The following SMARCC1 variants were observed in gnomAD, a reference collection of about 807,000 sequenced individuals.
SMARCC1 encodes SWI/SNF complex subunit SMARCC1.
Under a neutral mutation model 147.4 loss-of-function variants are expected in SMARCC1, and 43 were observed. That is an observed-to-expected ratio of 0.29 (90% CI 0.23 to 0.38). SMARCC1 has a LOEUF of 0.38. Ranked by LOEUF, SMARCC1 falls within the 10% of genes least tolerant of loss-of-function variation. SMARCC1 has a pLI of 1.00. For missense variants in SMARCC1, 1,119 were observed against 1,381.1 expected (o/e 0.81, Z 3.01); for synonymous variants, 495 against 484.4 (o/e 1.02, Z -0.29).
In SMARCC1 at chr3:47,608,419, G is replaced by T. The variant is rs562259207; in HGVS notation, c.3043+1647C>A. Among the ~76,000 whole-genome samples the T allele has an allele frequency of 7.9e-5, 12 of 152,226 alleles. 1 individual carries two copies. Among genetic ancestry groups the T allele is most frequent in the African/African-American group, 2.9e-4 (12 of 41,548 alleles). On this transcript the variant is annotated intron_variant, in intron 26 of 27. Coordinates refer to ENST00000254480, the MANE Select transcript of SMARCC1 (RefSeq NM_003074.4). ...GCTAATTTAAGAAGCAATTCTGAAC[G>T]CTCAATTCTAAAACAATTTAGTCGA...
At chr3:47,762,828 A>C (rs2034789654) in intron 2 of SMARCC1, among the ~76,000 whole-genome samples, 1 of 152,170 alleles carries the variant, frequency 6.6e-6, no homozygotes, top group Admixed American at 6.6e-5. Context: ...GCACTTTGGG[A>C]GGCCGAGGCG....
intron 6 of SMARCC1, among the ~76,000 whole-genome samples, chr3:47,724,772 G>A (rs1359990973): frequency 6.6e-6 from 1 of 152,128 alleles, no homozygotes; most frequent in East Asian, 1.9e-4. Context: ...TCTCTTGCAC[G>A]TGACTGTGCA....
intron 21 of SMARCC1, among the ~76,000 whole-genome samples, chr3:47,649,440 T>C (rs1191031971): frequency 6.6e-6 from 1 of 152,232 alleles, no homozygotes; most frequent in Non-Finnish European, 1.5e-5. Flanking sequence ...AGAGACTAGT[T>C]AGTCCTTAAC....
chr3:47,720,517 G>T, intron 7 of SMARCC1, 149 bp downstream of exon 7: 2 of 619,508 alleles, frequency 3.2e-6, no homozygotes, highest in South Asian at 2.2e-5. Context: ...CCTTAAATAA[G>T]AAAACAGTCA....
intron 21 of SMARCC1, among the ~76,000 whole-genome samples, chr3:47,658,982 G>C (rs903360312): frequency 1.3e-5 from 2 of 152,024 alleles, no homozygotes; most frequent in Non-Finnish European, 2.9e-5. Flanking sequence ...GCCGGGTGTT[G>C]TGGCACAAGC....
intron 11 of SMARCC1, among the ~76,000 whole-genome samples, chr3:47,693,885 A>C (rs1013720752): frequency 6.6e-6 from 1 of 152,060 alleles, no homozygotes; most frequent in Non-Finnish European, 1.5e-5. Context: ...CTGGTCTCGA[A>C]CTCCTGAGCT....
At chr3:47,737,972 TA>T in intron 4 of SMARCC1, 56 bp downstream of exon 4, 1 of 1,350,864 alleles carries the variant, frequency 7.4e-7, no homozygotes, top group Non-Finnish European at 1.0e-6. Context: ...CAGCCAATCT[TA>T]AAACTGAAAA....
At chr3:47,652,379 C>T (rs1219202143) in intron 21 of SMARCC1, among the ~76,000 whole-genome samples, 1 of 152,142 alleles carries the variant, frequency 6.6e-6, no homozygotes, top group African/African-American at 2.4e-5. Flanking sequence ...CTCAAGAGGG[C>T]CTGGGCTCTT....
At chr3:47,751,315 G>C (rs932354421) in intron 2 of SMARCC1, among the ~76,000 whole-genome samples, 1 of 152,112 alleles carries the variant, frequency 6.6e-6, no homozygotes, top group Non-Finnish European at 1.5e-5. Context: ...GGCCAAGGCA[G>C]GCTGATCACG....
chr3:47,727,658 CG>C (rs1310813550), intron 6 of SMARCC1, among the ~76,000 whole-genome samples: 1 of 151,648 alleles, frequency 6.6e-6, no homozygotes, highest in African/African-American at 2.4e-5. Context: ...TCTTCTTGCC[CG>C]GGCTAGAGCG....
intron 9 of SMARCC1, among the ~76,000 whole-genome samples, chr3:47,708,468 T>C (rs980988844): frequency 1.3e-5 from 2 of 152,098 alleles, no homozygotes; most frequent in Non-Finnish European, 2.9e-5. Context: ...TATCCATTTC[T>C]ATATAACCTC....
chr3:47,662,837 C>T (rs375613143), intron 19 of SMARCC1, among the ~76,000 whole-genome samples: 1 of 151,524 alleles, frequency 6.6e-6, no homozygotes, highest in Non-Finnish European at 1.5e-5. Context: ...CTTTGGGAGG[C>T]AGAGGTGGGC....
At chr3:47,644,359 A>T (rs912868134) in intron 21 of SMARCC1, among the ~76,000 whole-genome samples, 9 of 152,118 alleles carry the variant, frequency 5.9e-5, no homozygotes, top group African/African-American at 2.2e-4. Flanking sequence ...AGCTGAGCAC[A>T]GCGGCATACA....
intron 21 of SMARCC1, among the ~76,000 whole-genome samples, chr3:47,640,318 T>C (rs180948176): frequency 3.9e-5 from 6 of 152,144 alleles, no homozygotes; most frequent in African/African-American, 1.4e-4. Flanking sequence ...AAACGTTGGT[T>C]CTTTCAAATG....
At chr3:47,630,181 G>C (rs974609540) in intron 24 of SMARCC1, among the ~76,000 whole-genome samples, 1 of 148,586 alleles carries the variant, frequency 6.7e-6, no homozygotes, top group East Asian at 2.0e-4. Context: ...GGTGGGGGTG[G>C]GGGGTGGGGG....
intron 11 of SMARCC1, among the ~76,000 whole-genome samples, chr3:47,699,383 T>C (rs2033891140): frequency 6.6e-6 from 1 of 152,164 alleles, no homozygotes; most frequent in Non-Finnish European, 1.5e-5. Context: ...CTTGGGACAT[T>C]TTCCTTGCAT....
intron 25 of SMARCC1, among the ~76,000 whole-genome samples, chr3:47,620,575 T>G (rs2032715705): frequency 1.3e-5 from 2 of 152,220 alleles, no homozygotes; most frequent in Non-Finnish European, 2.9e-5. Flanking sequence ...GCTTCTAAAT[T>G]TCTTACTTTT....
intron 11 of SMARCC1, among the ~76,000 whole-genome samples, chr3:47,694,627 C>T (rs1244705242): frequency 2.0e-5 from 3 of 152,144 alleles, no homozygotes; most frequent in African/African-American, 7.2e-5. Flanking sequence ...AAAACCACAG[C>T]CAAATTGCAT....
At chr3:47,677,400 CG>C (rs1215887335) in intron 16 of SMARCC1, among the ~76,000 whole-genome samples, 3 of 109,918 alleles carry the variant, frequency 2.7e-5, no homozygotes, top group Non-Finnish European at 4.2e-5. Context: ...CATGCCTGGC[CG>C]TTTTTTTTTT....
Sources: allele counts gnomAD v4.1 joint callset (sites outside exome capture counted in the v4.1 genomes callset), GRCh38; gene constraint gnomAD v4.1.1; transcripts MANE v1.5; gene names NCBI Gene and HGNC (gene_info 2026-07-23, HGNC 2026-07-21).